P4HA1: variants seen among roughly 807,000 people sequenced by gnomAD.
P4HA1 encodes prolyl 4-hydroxylase subunit alpha-1.
P4HA1 carries 24 observed loss-of-function variants against 72.8 expected under a neutral mutation model. The observed-to-expected ratio is 0.33, with a 90% CI of 0.24 to 0.46. The LOEUF is 0.46. Ranked by LOEUF, P4HA1 falls within the 20% of genes least tolerant of loss-of-function variation. The pLI is 1.00. For synonymous variants in P4HA1, 201 were observed against 218.8 expected (o/e 0.92, Z 0.72); for missense variants, 446 against 640.6 (o/e 0.70, Z 3.28).
At chr10:73,091,195 TAAATAA>T (rs1310350571) in intron 1 of P4HA1, among the ~76,000 whole-genome samples, 1 of 144,728 alleles carries the variant, frequency 6.9e-6, no homozygotes, top group Non-Finnish European at 1.5e-5. Flanking sequence ...AATAAATAAA[TAAATAA>T]AAAGGAGGAA....
intron 2 of P4HA1, among the ~76,000 whole-genome samples, 187 bp downstream of exon 2, chr10:73,074,621 A>G (rs1410658371): frequency 3.3e-5 from 5 of 152,176 alleles, no homozygotes; most frequent in Non-Finnish European, 7.4e-5. Context: ...TTTAACTTCA[A>G]TATGTATCAT....
In P4HA1 at chr10:73,093,701, G is replaced by A. The variant is rs1171734485; in HGVS notation, c.-33+3065C>T. 2.7e-5 allele frequency among the ~76,000 whole-genome samples: 4 copies of A among 150,200 alleles called. No homozygotes were observed. The South Asian group carries it at 8.4e-4, about 32-fold the overall frequency. ...TACTAAAAATACAAAAAATTAGCTG[G>A]GCGTGATGGTGGGCGGCTGTAGTCC... is the stretch of plus-strand genomic sequence containing the variant. On this transcript the variant is annotated intron_variant, in intron 1 of 14. Coordinates refer to ENST00000394890, the MANE Select transcript of P4HA1 (RefSeq NM_001017962.3).
At chr10:73,060,539 T>C (rs566462973) in intron 5 of P4HA1, among the ~76,000 whole-genome samples, 1 of 152,040 alleles carries the variant, frequency 6.6e-6, no homozygotes, top group East Asian at 1.9e-4. Flanking sequence ...CATCTGTGAA[T>C]AGCCACTGCA....
chr10:73,016,352 G>T (rs1271388758), intron 11 of P4HA1, among the ~76,000 whole-genome samples: 1 of 152,126 alleles, frequency 6.6e-6, no homozygotes. Context: ...TTGGAATTGG[G>T]CTTAACCTCT....
chr10:73,092,831 G>T (rs369839819), intron 1 of P4HA1, among the ~76,000 whole-genome samples: 1 of 152,024 alleles, frequency 6.6e-6, no homozygotes, highest in East Asian at 1.9e-4. Flanking sequence ...CAACAAGAGA[G>T]TAAGGATGAC....
At chr10:73,090,126 G>A (rs1009871546) in intron 1 of P4HA1, among the ~76,000 whole-genome samples, 4 of 150,394 alleles carry the variant, frequency 2.7e-5, no homozygotes, top group South Asian at 2.1e-4. Flanking sequence ...GAGCCACTGC[G>A]CCTGGCCAAG....
intron 5 of P4HA1, among the ~76,000 whole-genome samples, chr10:73,068,019 A>G (rs1383925139): frequency 1.3e-5 from 2 of 152,228 alleles, no homozygotes; most frequent in African/African-American, 4.8e-5. Context: ...AAAGCGTTAT[A>G]ATGTATAATA....
At chr10:73,084,006 T>C (rs1271126540) in intron 1 of P4HA1, among the ~76,000 whole-genome samples, 1 of 152,208 alleles carries the variant, frequency 6.6e-6, no homozygotes, top group Non-Finnish European at 1.5e-5. Context: ...AGTAAATAGA[T>C]AAATCATAGA....
chr10:73,046,459 T>C (rs936715746), intron 8 of P4HA1, among the ~76,000 whole-genome samples: 1 of 152,188 alleles, frequency 6.6e-6, no homozygotes, highest in Non-Finnish European at 1.5e-5. Flanking sequence ...CAGAAAACTA[T>C]CACCATTTCA....
intron 1 of P4HA1, among the ~76,000 whole-genome samples, chr10:73,078,750 T>A: frequency 6.6e-6 from 1 of 151,866 alleles, no homozygotes; most frequent in East Asian, 1.9e-4. Context: ...TAGCTGGGAT[T>A]ATAGGCACCT....
chr10:73,059,982 A>T (rs1344769404), intron 5 of P4HA1, among the ~76,000 whole-genome samples: 1 of 152,008 alleles, frequency 6.6e-6, no homozygotes, highest in African/African-American at 2.4e-5. Context: ...CAAAAGAAAA[A>T]ACGAGGACAA....
At chr10:73,050,849 T>G (rs998765506) in intron 7 of P4HA1, among the ~76,000 whole-genome samples, 1 of 152,176 alleles carries the variant, frequency 6.6e-6, no homozygotes, top group South Asian at 2.1e-4. Flanking sequence ...AGACTACAAG[T>G]GTACACCAGC....
intron 1 of P4HA1, among the ~76,000 whole-genome samples, chr10:73,085,167 C>T (rs1207480145): frequency 2.0e-5 from 3 of 151,900 alleles, no homozygotes; most frequent in Non-Finnish European, 2.9e-5. Flanking sequence ...TTTTCATAAC[C>T]TTGGATTAGG....
At chr10:73,078,603 T>C (rs986630998) in intron 1 of P4HA1, among the ~76,000 whole-genome samples, 86 of 133,216 alleles carry the variant, frequency 6.5e-4, no homozygotes, top group African/African-American at 2.4e-3. Flanking sequence ...GTAGGTAATT[T>C]TTTTTTTTTT....
Position 73,019,730 on chromosome 10 carries a change from G to GAAA in P4HA1, c.1249-2834_1249-2832dup, listed in dbSNP as rs3066045. 1.1e-3 allele frequency among the ~76,000 whole-genome samples: 71 copies of GAAA among 65,222 alleles called. 1 individual carries two copies. The highest frequency in any genetic ancestry group is 5.6e-3 in the African/African-American group (67 of 11,876). 42.8% of individuals were successfully genotyped at this position (65,222 alleles called of 152,430 possible). A position where few individuals can be genotyped will look rare whatever the true frequency, so the allele number is the denominator to read the frequency against. On this transcript the variant is annotated intron_variant, in intron 10 of 14. Transcript: ENST00000394890. The stretch of plus-strand genomic sequence containing the variant: ...GGCGACAGAGCGAGACTCTGTCTCA[G>GAAA]AAAAAAAAAAAAAAAAAGAATTCAA...
At position 73,051,758 on chromosome 10, in the gene P4HA1, T is replaced by C. The variant is rs577848571; in HGVS notation, c.704-509A>G. Among the ~76,000 whole-genome samples the C allele has an allele frequency of 2.0e-5, 3 of 152,218 alleles. No individual in the cohort carries two copies. In the South Asian group the frequency reaches 6.2e-4, roughly 32 times the overall value. On this transcript the variant is annotated intron_variant, in intron 6 of 14. Transcript: ENST00000394890. Reference sequence around the variant, plus strand: ...TGGGCAAAAGGAGTGAAACCCTGTCTCAAAAAAGACAGTTCTGGAGACAGA... The same window carrying C: ...TGGGCAAAAGGAGTGAAACCCTGTCCCAAAAAAGACAGTTCTGGAGACAGA...
At chr10:73,013,238 C>A (rs185879696) in intron 12 of P4HA1, among the ~76,000 whole-genome samples, 1 of 152,164 alleles carries the variant, frequency 6.6e-6, no homozygotes, top group African/African-American at 2.4e-5. Context: ...GGTCTGTGTG[C>A]CCTCTCCTTG....
chr10:73,023,580 C>T (rs1840188572), intron 10 of P4HA1, among the ~76,000 whole-genome samples: 1 of 152,072 alleles, frequency 6.6e-6, no homozygotes, highest in Admixed American at 6.6e-5. Context: ...ATGAAGAAAC[C>T]GCATCAATTA....
chr10:73,074,785 A>AAAC (rs760600550), intron 2 of P4HA1, 23 bp downstream of exon 2: 1 of 1,327,904 alleles, frequency 7.5e-7, no homozygotes. Flanking sequence ...AACCAACAAA[A>AAAC]AACAACAAGT....
Sources: allele counts gnomAD v4.1 joint callset (sites outside exome capture counted in the v4.1 genomes callset), GRCh38; gene constraint gnomAD v4.1.1; transcripts MANE v1.5; gene names NCBI Gene and HGNC (gene_info 2026-07-23, HGNC 2026-07-21).